Variants in NDUFB8 observed in about 807,000 individuals in gnomAD.
The protein encoded by NDUFB8 is NADH dehydrogenase [ubiquinone] 1 beta subcomplex subunit 8, mitochondrial.
In NDUFB8, 17 loss-of-function variants were observed where a neutral mutation model predicts 26.0. That is an observed-to-expected ratio of 0.65 (90% CI 0.45 to 0.98). The LOEUF (loss-of-function observed/expected upper bound fraction) is 0.98, where lower values mean the gene tolerates loss of function less well. Among genes scored for constraint, NDUFB8 ranks in the 50% least tolerant of loss-of-function variants. The pLI is 0.00. For synonymous variants in NDUFB8, 89 were observed against 93.1 expected (o/e 0.96, Z 0.25); for missense variants, 238 against 255.0 (o/e 0.93, Z 0.45).
downstream of NDUFB8, chr10:100,523,733 G>T (rs1180324323): frequency 9.3e-7 from 1 of 1,076,198 alleles, no homozygotes; most frequent in Non-Finnish European, 1.4e-6. Flanking sequence ...GGGAAATGAG[G>T]CACAAATAAC....
Position 100,526,957 on chromosome 10 carries a change from G to A in NDUFB8, c.312+18C>T, listed in dbSNP as rs1366382806. 3 of 1,607,496 alleles carry A rather than the reference G, an allele frequency of 1.9e-6. No homozygotes were observed. Among genetic ancestry groups the A allele is most frequent in the Non-Finnish European group, 2.6e-6 (3 of 1,174,132 alleles). On this transcript the variant is annotated intron_variant, in intron 3 of 4. Coordinates refer to ENST00000299166, the MANE Select transcript of NDUFB8 (RefSeq NM_005004.4). Reference sequence around the variant, plus strand: ...GACAAAGAGAGAAGGAAGGTCAAATGAGATATGGTTCTCTTACCGGTTCAC... The same window carrying A: ...GACAAAGAGAGAAGGAAGGTCAAATAAGATATGGTTCTCTTACCGGTTCAC...
rs2133711462 is a variant in NDUFB8, at chr10:100,526,993, C to A, written c.294G>T (p.Arg98Ser). Residue 98 changes from arginine (R) to serine (S), a missense_variant, in exon 3 of 5, where the codon AGG (arginine) becomes AGT (serine). Arg to Ser is a moderately radical substitution (Grantham distance 110, BLOSUM62 -1). Transcript: ENST00000299166. ...CTCTTACCGGTTCACCCCAGTTCAA[C>A]CTCAGGCCCGGCTGGTCCCAGCTAT... ...PWYSWDQPGL[R>S]LNWGEPMHWH... is the part of the protein sequence containing the mutation. The A allele has an allele frequency of 4.3e-6, 7 of 1,614,194 alleles. No homozygotes were observed. Among genetic ancestry groups the A allele is most frequent in the Non-Finnish European group, 5.9e-6 (7 of 1,180,022 alleles).
Position 100,524,097 on chromosome 10 carries a change from A to G in NDUFB8, c.469-168T>C, listed in dbSNP as rs772813881. 8 of 1,578,146 alleles carry G rather than the reference A, an allele frequency of 5.1e-6. No homozygotes were observed. On this transcript the variant is annotated intron_variant, in intron 4 of 4. Coordinates refer to ENST00000299166, the MANE Select transcript of NDUFB8 (RefSeq NM_005004.4). This position sits in a 1 kb window ranked among gnomAD's most constrained non-coding sequence, Gnocchi z 4.0. ...GCACTCCTCTTCCTCACTCAGCCCAAGGCAGAGAGAAAGCCTAAATTGTAA... is the reference window on the plus strand; with the variant it reads ...GCACTCCTCTTCCTCACTCAGCCCAGGGCAGAGAGAAAGCCTAAATTGTAA...
At chr10:100,526,915 T>TA in intron 3 of NDUFB8, 60 bp downstream of exon 3, 1 of 1,497,488 alleles carries the variant, frequency 6.7e-7, no homozygotes, top group South Asian at 1.1e-5. Flanking sequence ...CCATCTGAGC[T>TA]AAAGAATCGC....
At position 100,526,624 on chromosome 10, in the gene NDUFB8, T is replaced by C. The variant is rs1036758982; in HGVS notation, c.313-70A>G. ...AAAATGCAGGCAAGTCCCCAGTGAT[T>C]AGAGCCTGATACAAGGCTAGACAGA... is the stretch of plus-strand genomic sequence containing the variant. On this transcript the variant is annotated intron_variant, in intron 3 of 4. Coordinates refer to ENST00000299166, the MANE Select transcript of NDUFB8 (RefSeq NM_005004.4). The C allele has an allele frequency of 9.6e-6, 15 of 1,562,022 alleles. No individual in the cohort carries two copies. The Admixed American group carries it at 2.7e-4, about 28-fold the overall frequency.
intron 1 of NDUFB8, 97 bp from the exon 2 acceptor site, chr10:100,529,603 T>G: frequency 6.3e-7 from 1 of 1,578,794 alleles, no homozygotes; most frequent in Non-Finnish European, 8.6e-7. Flanking sequence ...AGCCCGGGAC[T>G]TCGCAGGATC....
At chr10:100,529,923 T>C, upstream of NDUFB8, 1 of 1,517,700 alleles carries the variant, frequency 6.6e-7, no homozygotes, top group Non-Finnish European at 9.0e-7. Context: ...GGGCCAAACG[T>C]GACGGAGGAA....
intron 2 of NDUFB8, among the ~76,000 whole-genome samples, chr10:100,527,973 T>C (rs1852081418): frequency 6.6e-6 from 1 of 152,078 alleles, no homozygotes; most frequent in Non-Finnish European, 1.5e-5. Context: ...GCACCTGCCA[T>C]CACGCCCAGC....
rs1852000668 is a variant in NDUFB8, at chr10:100,523,932, A to G, written c.469-3T>C. On this transcript the variant is annotated splice_polypyrimidine_tract_variant and splice_region_variant and intron_variant, in intron 4 of 4. Transcript: ENST00000299166. Reference sequence around the variant, plus strand: ...TTGTAAGGATACTGCTTTGGTCCCTACAGAAAAAAACACAGGTCAGCAAGA... The same window carrying G: ...TTGTAAGGATACTGCTTTGGTCCCTGCAGAAAAAAACACAGGTCAGCAAGA... 1 of 1,614,090 alleles carries G rather than the reference A, an allele frequency of 6.2e-7. No homozygotes were observed. The highest frequency in any genetic ancestry group is 8.5e-7 in the Non-Finnish European group (1 of 1,180,024).
intron 4 of NDUFB8, among the ~76,000 whole-genome samples, chr10:100,525,615 C>CGTGTGTGTGTGTGTGTGTGT (rs56705301): frequency 1.0e-5 from 1 of 100,116 alleles, no homozygotes; most frequent in African/African-American, 3.8e-5. Context: ...CCACCCAAAG[C>CGTGTGTGTGTGTGTGTGTGT]GTGTGTGTGT....
intron 4 of NDUFB8, 77 bp downstream of exon 4, chr10:100,526,322 C>G (rs1015254334): frequency 6.7e-7 from 1 of 1,483,092 alleles, no homozygotes; most frequent in African/African-American, 1.4e-5. Context: ...TGACTGGATT[C>G]CTACCCCAGA....
At position 100,524,881 on chromosome 10, in the gene NDUFB8, G is replaced by A. The variant is rs74595230; in HGVS notation, c.469-952C>T. Among the ~76,000 whole-genome samples, 493 of 152,174 alleles carry A rather than the reference G, an allele frequency of 3.2e-3. 18 individuals are homozygous for A. The East Asian group carries it at 0.082, about 25-fold the overall frequency. ...CCAAGTCATCACTGTATCCCCAACCGCTAGCACAGTCTGCATCTGGTACAT... is the reference window on the plus strand; with the variant it reads ...CCAAGTCATCACTGTATCCCCAACCACTAGCACAGTCTGCATCTGGTACAT... On this transcript the variant is annotated intron_variant, in intron 4 of 4. Coordinates refer to ENST00000299166, the MANE Select transcript of NDUFB8 (RefSeq NM_005004.4). This position sits in a 1 kb window ranked among gnomAD's most constrained non-coding sequence, Gnocchi z 4.0.
At chr10:100,529,612 T>C in intron 1 of NDUFB8, 106 bp from the exon 2 acceptor site, 1 of 1,564,698 alleles carries the variant, frequency 6.4e-7, no homozygotes, top group Non-Finnish European at 8.7e-7. Context: ...CTTCGCAGGA[T>C]CAGTGCGATC....
chr10:100,523,840 G>A lies in NDUFB8; in HGVS notation c.558C>T (p.Ile186=), dbSNP rs1851997784. ...KEPERVVHYE[I] The stretch of plus-strand genomic sequence containing the variant: ...CCCAAAAGCCCACGAAGCCTCCTCA[G>A]ATCTCATAGTGAACCACCCGCTCTG... The change falls in exon 5 of 5, where the codon ATC becomes ATT. Residue 186 remains isoleucine (I), a synonymous_variant. Coordinates refer to ENST00000299166, the MANE Select transcript of NDUFB8 (RefSeq NM_005004.4). The A allele has an allele frequency of 1.2e-6, 2 of 1,613,910 alleles. No homozygotes were observed. Among genetic ancestry groups the A allele is most frequent in the East Asian group, 2.2e-5 (1 of 44,888 alleles).
At chr10:100,523,989 C>T (rs1852001757) in intron 4 of NDUFB8, 60 bp from the exon 5 acceptor site, 1 of 1,610,538 alleles carries the variant, frequency 6.2e-7, no homozygotes, top group Non-Finnish European at 8.5e-7. Context: ...GGCTACACCC[C>T]ACTCTGAGTT....
In NDUFB8 at chr10:100,527,014, G is replaced by A. The variant is rs563427442; in HGVS notation, c.273C>T (p.Ser91=). ...TCAACCTCAGGCCCGGCTGGTCCCA[G>A]CTATACCATGGATCTCTCTCATGCT... ...RSQHERDPWY[S]WDQPGLRLNW... Residue 91 remains serine, a synonymous_variant, in exon 3 of 5, where the codon AGC becomes AGT. Transcript: ENST00000299166. 3 of 1,614,052 alleles carry A rather than the reference G, an allele frequency of 1.9e-6. No homozygotes were observed. Among genetic ancestry groups the A allele is most frequent in the African/African-American group, 2.7e-5 (2 of 74,926 alleles).
chr10:100,527,302 T>G (rs972557201), intron 2 of NDUFB8, among the ~76,000 whole-genome samples: 13 of 152,212 alleles, frequency 8.5e-5, no homozygotes, highest in Non-Finnish European at 1.9e-4. Context: ...AATATTTTAA[T>G]GTACATAAGC....
intron 4 of NDUFB8, 75 bp downstream of exon 4, chr10:100,526,324 T>C (rs1345092973): frequency 1.3e-6 from 2 of 1,487,194 alleles, no homozygotes; most frequent in Non-Finnish European, 1.8e-6. Flanking sequence ...ACTGGATTCC[T>C]ACCCCAGAGA....
rs185514139 is a variant in NDUFB8, at chr10:100,526,976, G to A, written c.311C>T (p.Pro104Leu). 2.9e-4 allele frequency: 463 copies of A among 1,613,420 alleles called. 3 individuals are homozygous for A. The Admixed American group carries it at 6.9e-3, about 24-fold the overall frequency. ...TCAAATGAGATATGGTTCTCTTACC[G>A]GTTCACCCCAGTTCAACCTCAGGCC... ...QPGLRLNWGE[P>L]MHWHLDMYNR... Residue 104 changes from proline (P) to leucine (L), a missense_variant and splice_region_variant, in exon 3 of 5, where the codon CCG (proline) becomes CTG (leucine). Pro to Leu is a moderately conservative substitution (Grantham distance 98). Transcript: ENST00000299166.
Sources: allele counts gnomAD v4.1 joint callset (sites outside exome capture counted in the v4.1 genomes callset), GRCh38; gene constraint gnomAD v4.1.1; non-coding constraint Gnocchi (gnomAD v3.1); transcripts MANE v1.5; gene names NCBI Gene and HGNC (gene_info 2026-07-23, HGNC 2026-07-21).